SLC38A6: variants seen among roughly 807,000 people sequenced by gnomAD.
SLC38A6 encodes N system amino acid transporter NAT-1.
A neutral mutation model predicts 65.0 loss-of-function variants in SLC38A6; 73 were observed. That is an observed-to-expected ratio of 1.12 (90% confidence interval 0.93 to 1.37). The LOEUF (loss-of-function observed/expected upper bound fraction) is 1.37, where lower values mean the gene tolerates loss of function less well. Ranked by LOEUF, SLC38A6 falls within the 40% of genes most tolerant of loss-of-function variation. The probability of loss-of-function intolerance (pLI) is 0.00; values close to 1 mark genes in which losing one functional copy is unlikely to be tolerated. For missense variants in SLC38A6, 561 were observed against 531.1 expected, an observed-to-expected ratio of 1.06 and a Z score of -0.55; for synonymous variants, 183 against 178.8, an observed-to-expected ratio of 1.02 and a Z score of -0.19.
intron 3 of SLC38A6, among the ~76,000 whole-genome samples, chr14:61,011,084 G>C (rs2039526906): frequency 1.3e-5 from 2 of 152,114 alleles, no homozygotes; most frequent in South Asian, 4.2e-4. Flanking sequence ...AGTTCTTGAA[G>C]AGGTCCTTCA....
chr14:61,065,850 T>G (rs1481410625), intron 15 of SLC38A6, among the ~76,000 whole-genome samples: 2 of 152,216 alleles, frequency 1.3e-5, no homozygotes, highest in African/African-American at 4.8e-5. Flanking sequence ...CTCAGGTTAC[T>G]GGGTAATCTG....
intron 1 of SLC38A6, chr14:60,982,272 C>G (rs1385850548): frequency 8.9e-6 from 5 of 561,108 alleles, no homozygotes; most frequent in Admixed American, 2.2e-5. Flanking sequence ...TGAACTCTGC[C>G]TGTCTTGTGT....
intron 5 of SLC38A6, among the ~76,000 whole-genome samples, chr14:61,023,588 A>AATAATAAT (rs1555352626): frequency 1.7e-4 from 4 of 23,354 alleles, no homozygotes; most frequent in East Asian, 1.8e-3. Flanking sequence ...TAATAATAAT[A>AATAATAAT]ATATATATAT....
intron 2 of SLC38A6, among the ~76,000 whole-genome samples, chr14:60,984,056 T>G (rs1251028836): frequency 6.6e-6 from 1 of 152,218 alleles, no homozygotes; most frequent in Admixed American, 6.5e-5. Context: ...TAGAAGCTTG[T>G]CCTGCTGGTG....
At chr14:60,993,127 C>T (rs977031126) in intron 3 of SLC38A6, among the ~76,000 whole-genome samples, 5 of 152,138 alleles carry the variant, frequency 3.3e-5, no homozygotes, top group African/African-American at 4.8e-5. Flanking sequence ...GGATTACAGG[C>T]GTGAGCCACC....
At chr14:61,012,717 G>A (rs550647146) in intron 3 of SLC38A6, among the ~76,000 whole-genome samples, 1 of 151,356 alleles carries the variant, frequency 6.6e-6, no homozygotes, top group East Asian at 1.9e-4. Flanking sequence ...TTAATCCTGA[G>A]TTCTAGTTTG....
intron 12 of SLC38A6, 76 bp from the exon 13 acceptor site, chr14:61,050,436 A>T: frequency 1.0e-6 from 1 of 959,602 alleles, no homozygotes. Flanking sequence ...ATCATCCATT[A>T]GTGCAAAGGA....
At chr14:61,014,944 T>C (rs184646770) in intron 3 of SLC38A6, among the ~76,000 whole-genome samples, 34 of 152,288 alleles carry the variant, frequency 2.2e-4, no homozygotes, top group African/African-American at 8.2e-4. Flanking sequence ...TGGACAGGTT[T>C]CTCTGCCTTT....
Position 61,036,960 on chromosome 14 carries a change from CTGTGTGTGTGTGTGTG to C in SLC38A6, c.483-67_483-52del, listed in dbSNP as rs34977105. Reference sequence around the variant, plus strand: ...ATAGCTGGTTGTAATGGTTATAACTCTGTGTGTGTGTGTGTGTGTGTGTGTGTGTGTGTGTGTGTGT... The same window carrying C: ...ATAGCTGGTTGTAATGGTTATAACTCTGTGTGTGTGTGTGTGTGTGTGTGT... On this transcript the variant is annotated intron_variant, in intron 6 of 15. Transcript: ENST00000267488. 7.9e-4 allele frequency: 348 copies of C among 438,358 alleles called. 1 individual carries two copies. Among genetic ancestry groups the C allele is most frequent in the South Asian group, 6.6e-3 (283 of 42,956 alleles). 27.2% of individuals were successfully genotyped at this position (438,358 alleles called of 1,614,324 possible).
chr14:60,986,590 A>G (rs1436475534), intron 3 of SLC38A6, among the ~76,000 whole-genome samples: 1 of 152,266 alleles, frequency 6.6e-6, no homozygotes, highest in African/African-American at 2.4e-5. Flanking sequence ...TCCTAAAGTA[A>G]CAGGTTGTTC....
Position 61,065,176 on chromosome 14 carries a change from G to A in SLC38A6, c.1290+13041G>A, listed in dbSNP as rs533082019. 8.0e-4 allele frequency among the ~76,000 whole-genome samples: 122 copies of A among 152,158 alleles called. 1 individual carries two copies. The highest frequency in any genetic ancestry group is 1.1e-3 in the Admixed American group (17 of 15,284). On this transcript the variant is annotated intron_variant, in intron 15 of 16. Coordinates refer to the SLC38A6 transcript ENST00000354886. ...GGATCTGAAATTCAATACAATCTAG[G>A]TATAGAATCGAGGTCTTGAAAATAC... is the stretch of plus-strand genomic sequence containing the variant.
chr14:61,022,335 G>A (rs749376948), intron 5 of SLC38A6, among the ~76,000 whole-genome samples: 26 of 151,878 alleles, frequency 1.7e-4, no homozygotes, highest in Admixed American at 5.2e-4. Context: ...TAAAGTCTAG[G>A]AACCCTAGCC....
chr14:60,986,939 A>G (rs1566606702), intron 3 of SLC38A6: 3 of 233,834 alleles, frequency 1.3e-5, no homozygotes, highest in South Asian at 4.6e-5. Flanking sequence ...TTCGGTTCAC[A>G]TGTATTTAAC....
intron 7 of SLC38A6, 27 bp from the exon 8 acceptor site, chr14:61,037,598 G>A: frequency 6.7e-7 from 1 of 1,500,082 alleles, no homozygotes; most frequent in East Asian, 2.3e-5. Context: ...CTTATAAATT[G>A]CTTTTTATTT....
chr14:61,051,718 G>A lies in SLC38A6; in HGVS notation c.1051-69G>A. ...CAAAAATATCATGGTTGTTGTATAT[G>A]TTTCTCTCAGCAAATATCTGGACTT... On this transcript the variant is annotated intron_variant, in intron 13 of 15. Coordinates refer to ENST00000267488, the MANE Select transcript of SLC38A6 (RefSeq NM_153811.3). 3 of 1,562,880 alleles carry A rather than the reference G, an allele frequency of 1.9e-6. No individual in the cohort carries two copies. The African/African-American group carries it at 4.1e-5, about 21-fold the overall frequency.
intron 15 of SLC38A6, among the ~76,000 whole-genome samples, chr14:61,075,589 A>G (rs1013161653): frequency 6.6e-6 from 1 of 152,150 alleles, no homozygotes; most frequent in African/African-American, 2.4e-5. Flanking sequence ...CTAGTCATCA[A>G]TTGTACCTGT....
chr14:61,005,934 A>T (rs545158467), intron 3 of SLC38A6, among the ~76,000 whole-genome samples: 1 of 152,168 alleles, frequency 6.6e-6, no homozygotes, highest in African/African-American at 2.4e-5. Flanking sequence ...ACTATACTAC[A>T]AGGCTACAGT....
intron 10 of SLC38A6, 111 bp downstream of exon 10, chr14:61,043,614 A>G: frequency 1.5e-6 from 1 of 681,608 alleles, no homozygotes; most frequent in Non-Finnish European, 2.4e-6. Context: ...ATTAATTTTC[A>G]TGAAAGTGCT....
intron 10 of SLC38A6, 137 bp downstream of exon 10, chr14:61,043,640 T>A: frequency 2.4e-6 from 1 of 412,480 alleles, no homozygotes; most frequent in Non-Finnish European, 4.3e-6. Context: ...TAGGATTGCC[T>A]ACCAGAAGAC....
Sources: gnomAD v4.1 joint callset for allele counts (sites outside exome capture counted in the v4.1 genomes callset) on GRCh38, gnomAD v4.1.1 for gene constraint, MANE v1.5 for transcripts, NCBI Gene and HGNC (gene_info 2026-07-23, HGNC 2026-07-21) for gene names.